GABRG3: variants seen among roughly 807,000 people sequenced by gnomAD.
GABRG3 encodes the protein gamma-aminobutyric acid type A receptor subunit gamma3, also known as gamma-aminobutyric acid receptor subunit gamma-3.
A neutral mutation model predicts 48.8 loss-of-function variants in GABRG3; 25 were observed. The ratio of observed to expected loss-of-function variants is 0.51; its 90% CI spans 0.37 to 0.72. GABRG3 has a LOEUF of 0.72. Among genes scored for constraint, GABRG3 ranks in the 30% least tolerant of loss-of-function variants. GABRG3 has a pLI of 0.00. For synonymous variants in GABRG3, 227 were observed against 217.6 expected, an observed-to-expected ratio of 1.04 and a Z score of -0.38; for missense variants, 394 against 577.9, an observed-to-expected ratio of 0.68 and a Z score of 3.26.
chr15:27,375,761 C>T (rs1002820360), intron 5 of GABRG3, among the ~76,000 whole-genome samples: 1 of 152,122 alleles, frequency 6.6e-6, no homozygotes. Flanking sequence ...CCTGCTGGGT[C>T]CCTCCCACAA....
At chr15:27,310,231 G>A (rs141571794) in intron 3 of GABRG3, among the ~76,000 whole-genome samples, 3 of 152,184 alleles carry the variant, frequency 2.0e-5, no homozygotes, top group East Asian at 3.9e-4. Context: ...TGGGCAGGGG[G>A]TGATAGAACT....
intron 5 of GABRG3, among the ~76,000 whole-genome samples, chr15:27,360,697 A>G (rs571104111): frequency 1.3e-5 from 2 of 152,234 alleles, no homozygotes; most frequent in South Asian, 2.1e-4. Flanking sequence ...CAGCCTCTAC[A>G]TAAGATCTGC....
intron 3 of GABRG3, among the ~76,000 whole-genome samples, chr15:27,075,885 G>A (rs1285746084): frequency 6.6e-6 from 1 of 152,188 alleles, no homozygotes; most frequent in Non-Finnish European, 1.5e-5. Flanking sequence ...CCTGATTTAA[G>A]GAACTGTCAT....
intron 3 of GABRG3, among the ~76,000 whole-genome samples, chr15:27,140,021 C>T (rs547183880): frequency 6.6e-6 from 1 of 152,310 alleles, no homozygotes; most frequent in East Asian, 1.9e-4. Flanking sequence ...GAGGCAGGTG[C>T]CAGGGAGGGC....
At chr15:27,373,677 G>C (rs1158026584) in intron 5 of GABRG3, among the ~76,000 whole-genome samples, 1 of 152,118 alleles carries the variant, frequency 6.6e-6, no homozygotes, top group Non-Finnish European at 1.5e-5. Context: ...TTGAAAATCT[G>C]ACCTTTAGCA....
chr15:27,487,827 C>T (rs1890256617), intron 6 of GABRG3, among the ~76,000 whole-genome samples: 1 of 152,148 alleles, frequency 6.6e-6, no homozygotes. Flanking sequence ...GAAACTGTTT[C>T]TCTGGAATAT....
rs4128126 is a variant in GABRG3, at chr15:27,328,788, C to T, written c.492-18C>T. On this transcript the variant is annotated intron_variant, in intron 4 of 9. Coordinates refer to ENST00000615808, the MANE Select transcript of GABRG3 (RefSeq NM_033223.5). ...TGTGCTGTGTGCTGAGCTAGACTGACACTTGGCTTTTTCGCAGGCTCACCA... is the reference window on the plus strand; with the variant it reads ...TGTGCTGTGTGCTGAGCTAGACTGATACTTGGCTTTTTCGCAGGCTCACCA... 0.026 allele frequency: 42,128 copies of T among 1,611,774 alleles called. 1,270 individuals carry two copies. Among genetic ancestry groups the T allele is most frequent in the South Asian group, 0.1 (9,276 of 91,000 alleles).
intron 5 of GABRG3, among the ~76,000 whole-genome samples, chr15:27,368,495 A>G (rs1006257073): frequency 6.6e-6 from 1 of 152,250 alleles, no homozygotes; most frequent in African/African-American, 2.4e-5. Context: ...GAATAATTAT[A>G]ATAAGAACAC....
chr15:27,028,049 G>T (rs911658888), intron 3 of GABRG3, among the ~76,000 whole-genome samples: 7 of 152,214 alleles, frequency 4.6e-5, no homozygotes, highest in African/African-American at 1.7e-4. Context: ...GGATTTTCCT[G>T]CAGGCCTTTA....
At chr15:27,127,864 C>T (rs577816814) in intron 3 of GABRG3, among the ~76,000 whole-genome samples, 2 of 152,238 alleles carry the variant, frequency 1.3e-5, no homozygotes, top group Admixed American at 1.3e-4. Context: ...AGAATAGAGA[C>T]CCCCCACTGG....
intron 5 of GABRG3, among the ~76,000 whole-genome samples, chr15:27,344,469 G>C (rs1383273393): frequency 6.6e-6 from 1 of 152,200 alleles, no homozygotes; most frequent in Non-Finnish European, 1.5e-5. Flanking sequence ...TCTCGTTGCA[G>C]TGAAAAGTTA....
chr15:27,454,250 C>T (rs1566847592), intron 5 of GABRG3, among the ~76,000 whole-genome samples: 1 of 152,112 alleles, frequency 6.6e-6, no homozygotes, highest in Non-Finnish European at 1.5e-5. Context: ...AAAAATGAAG[C>T]GTGTGGTCCA....
chr15:27,381,879 A>G (rs116564778), intron 5 of GABRG3, among the ~76,000 whole-genome samples: 1,677 of 152,266 alleles, frequency 0.011, 36 homozygotes, highest in African/African-American at 0.038. Flanking sequence ...AGGGTTCATA[A>G]TTTGTGTTGA....
chr15:27,212,292 C>A (rs10519593), intron 3 of GABRG3, among the ~76,000 whole-genome samples: 7,096 of 152,264 alleles, frequency 0.047, 222 homozygotes, highest in South Asian at 0.075. Flanking sequence ...CCGGGTGTTT[C>A]AGCTCAATTA....
chr15:27,387,085 G>A (rs896684577), intron 5 of GABRG3, among the ~76,000 whole-genome samples: 3 of 152,072 alleles, frequency 2.0e-5, no homozygotes, highest in African/African-American at 7.2e-5. Flanking sequence ...CCTTTACCCA[G>A]AATCTCCAAA....
chr15:27,351,141 GGT>G (rs763562179), intron 5 of GABRG3, among the ~76,000 whole-genome samples: 34 of 145,410 alleles, frequency 2.3e-4, no homozygotes, highest in Non-Finnish European at 1.2e-4. Flanking sequence ...GTTTGAGTAT[GGT>G]GTGTGTGTAT....
rs1895035789 is a variant in GABRG3, at chr15:26,980,673, CTCT to C, written c.202+3524_202+3526del. 4.6e-5 allele frequency among the ~76,000 whole-genome samples: 6 copies of C among 131,850 alleles called. No individual in the cohort carries two copies. The South Asian group carries it at 1.5e-3, about 33-fold the overall frequency. 86.5% of individuals were successfully genotyped at this position (131,850 alleles called of 152,430 possible). On this transcript the variant is annotated intron_variant, in intron 2 of 9. Transcript: ENST00000615808. Reference sequence around the variant, plus strand: ...CAGCCTGGGCCACAGAGCAAGACTCCTCTGTCTCAAAAAAAAAAAAAAAAAAAA... The same window carrying C: ...CAGCCTGGGCCACAGAGCAAGACTCCGTCTCAAAAAAAAAAAAAAAAAAAA...
intron 2 of GABRG3, among the ~76,000 whole-genome samples, chr15:27,013,791 T>A (rs1895730071): frequency 6.6e-6 from 1 of 152,110 alleles, no homozygotes; most frequent in South Asian, 2.1e-4. Context: ...ATAGGAAGTT[T>A]CAGACCTCCA....
intron 5 of GABRG3, among the ~76,000 whole-genome samples, chr15:27,396,622 A>G (rs1887305595): frequency 6.6e-6 from 1 of 152,228 alleles, no homozygotes; most frequent in Non-Finnish European, 1.5e-5. Flanking sequence ...CTACCGTATT[A>G]TCAGCATTCT....
Sources: allele counts gnomAD v4.1 joint callset (sites outside exome capture counted in the v4.1 genomes callset), GRCh38; gene constraint gnomAD v4.1.1; transcripts MANE v1.5; gene names NCBI Gene and HGNC (gene_info 2026-07-23, HGNC 2026-07-21).